The following CATSPERE variants were observed in gnomAD, a reference collection of about 807,000 sequenced individuals.
The protein encoded by CATSPERE is catsper channel auxiliary subunit epsilon, also known as cation channel sperm-associated auxiliary subunit epsilon.
CATSPERE carries 93 observed loss-of-function variants against 114.1 expected under a neutral mutation model. The observed-to-expected ratio is 0.81, with a 90% CI of 0.69 to 0.97. The LOEUF is 0.97. Ranked by LOEUF, CATSPERE falls within the 50% of genes least tolerant of loss-of-function variation. CATSPERE has a pLI of 0.00. For synonymous variants in CATSPERE, 341 were observed against 384.1 expected, an observed-to-expected ratio of 0.89 and a Z score of 1.31; for missense variants, 1,058 against 1,131.6, an observed-to-expected ratio of 0.93 and a Z score of 0.93.
intron 12 of CATSPERE, among the ~76,000 whole-genome samples, chr1:244,582,998 C>G (rs1488121245): frequency 4.5e-5 from 3 of 67,068 alleles, no homozygotes; most frequent in East Asian, 4.0e-4. Flanking sequence ...AGAGACTGAT[C>G]AGGAAGAGTA....
intron 8 of CATSPERE, among the ~76,000 whole-genome samples, chr1:244,537,786 T>C (rs1232618004): frequency 6.6e-6 from 1 of 152,218 alleles, no homozygotes; most frequent in East Asian, 1.9e-4. Context: ...TGGTGCATCT[T>C]GGTGAATTCT....
At chr1:244,532,975 A>T (rs1466141897) in intron 8 of CATSPERE, among the ~76,000 whole-genome samples, 1 of 147,950 alleles carries the variant, frequency 6.8e-6, no homozygotes, top group Non-Finnish European at 1.5e-5. Flanking sequence ...CTATTATTGT[A>T]TTGGGGTCTC....
intron 20 of CATSPERE, among the ~76,000 whole-genome samples, chr1:244,630,035 A>C (rs1673726539): frequency 6.6e-6 from 1 of 152,170 alleles, no homozygotes; most frequent in Non-Finnish European, 1.5e-5. Context: ...ATGATGTTCT[A>C]TGAGATGATG....
chr1:244,571,093 G>A (rs1398812010), intron 10 of CATSPERE, among the ~76,000 whole-genome samples: 64 of 152,120 alleles, frequency 4.2e-4, no homozygotes, highest in Non-Finnish European at 1.2e-4. Context: ...TATACTGCAT[G>A]CATCCTGCAA....
intron 19 of CATSPERE, among the ~76,000 whole-genome samples, chr1:244,615,801 C>T (rs916909663): frequency 6.6e-6 from 1 of 151,872 alleles, no homozygotes; most frequent in Non-Finnish European, 1.5e-5. Context: ...CTGTACCTCG[C>T]ATCTGAATAA....
chr1:244,461,269 G>A, upstream of CATSPERE: 1 of 531,134 alleles, frequency 1.9e-6, no homozygotes, highest in East Asian at 3.5e-5. Context: ...GCACGCGCAC[G>A]CGCACACTTC....
intron 8 of CATSPERE, 92 bp from the exon 9 acceptor site, chr1:244,552,230 T>C: frequency 6.9e-7 from 1 of 1,457,080 alleles, no homozygotes; most frequent in South Asian, 1.5e-5. Context: ...TTGATAAAAA[T>C]TAAAAATGTT....
chr1:244,471,309 T>C (rs1668443656), intron 2 of CATSPERE, among the ~76,000 whole-genome samples: 1 of 152,256 alleles, frequency 6.6e-6, no homozygotes, highest in African/African-American at 2.4e-5. Context: ...TGTTTGTTTA[T>C]GTAAATCAAG....
intron 19 of CATSPERE, among the ~76,000 whole-genome samples, chr1:244,616,602 C>A (rs74550629): frequency 3.3e-5 from 5 of 152,058 alleles, no homozygotes; most frequent in African/African-American, 7.2e-5. Context: ...AGAGGGCAGG[C>A]GAGGGAGGCT....
rs117468858 is a variant in CATSPERE, at chr1:244,477,873, A to G, written c.189-33A>G. 1.1e-3 allele frequency: 1,611 copies of G among 1,519,394 alleles called. 34 individuals carry two copies. In the East Asian group the frequency reaches 0.03, roughly 28 times the overall value. 94.1% of individuals were successfully genotyped at this position (1,519,394 alleles called of 1,614,324 possible). A position where few individuals can be genotyped will look rare whatever the true frequency, so the allele number is the denominator to read the frequency against. ...AATTTTATTAATATCATATGCACCT[A>G]TAATTATTCTTTCTCATCTTTTTAA... is the stretch of plus-strand genomic sequence containing the variant. On this transcript the variant is annotated intron_variant, in intron 3 of 21. Coordinates refer to ENST00000366534, the MANE Select transcript of CATSPERE (RefSeq NM_001130957.2).
intron 1 of CATSPERE, among the ~76,000 whole-genome samples, chr1:244,463,173 ATTTG>A (rs760831941): frequency 3.0e-4 from 46 of 152,310 alleles, no homozygotes; most frequent in Middle Eastern, 3.4e-3. Context: ...TTTAAGTTTA[ATTTG>A]TTTAGTTTTA....
chr1:244,495,171 T>A (rs1672897367), intron 6 of CATSPERE, among the ~76,000 whole-genome samples: 1 of 152,128 alleles, frequency 6.6e-6, no homozygotes, highest in Non-Finnish European at 1.5e-5. Context: ...GGAAAAGGAA[T>A]TTCCTGATGG....
intron 15 of CATSPERE, among the ~76,000 whole-genome samples, chr1:244,592,494 GA>G (rs1238012552): frequency 6.6e-6 from 1 of 151,918 alleles, no homozygotes; most frequent in South Asian, 2.1e-4. Flanking sequence ...AAGCATCTTT[GA>G]AAAGCTATGA....
At position 244,617,666 on chromosome 1, in the gene CATSPERE, G is replaced by T; in HGVS notation, c.2628G>T (p.Lys876Asn). The change falls in exon 20 of 22, where the codon AAG becomes AAT. Residue 876 changes from lysine (K) to asparagine (N), a missense_variant. Lys to Asn is a moderately conservative substitution (Grantham distance 94, BLOSUM62 0). This residue lies in a region of CATSPERE where 787 missense variants were observed against 905.6 expected (regional missense o/e 0.87). Transcript: ENST00000366534. ...GHSGMYVFRVKILDPNYSFCN... is the reference protein window; with the variant it reads ...GHSGMYVFRVNILDPNYSFCN... ...CTGGAATGTATGTATTTCGTGTGAAGATCCTGGATCCAAACTATAGGTGAA... is the reference window on the plus strand; with the variant it reads ...CTGGAATGTATGTATTTCGTGTGAATATCCTGGATCCAAACTATAGGTGAA... The T allele has an allele frequency of 6.5e-7, 1 of 1,539,166 alleles. No homozygotes were observed. The highest frequency in any genetic ancestry group is 8.7e-7 in the Non-Finnish European group (1 of 1,144,074).
rs2148360942 is a variant in CATSPERE at position 244,518,698 on chromosome 1, G to T, written c.536G>T (p.Gly179Val). 6.9e-7 allele frequency: 1 copy of T among 1,446,016 alleles called. No individual in the cohort carries two copies. Among genetic ancestry groups the T allele is most frequent in the Non-Finnish European group, 9.4e-7 (1 of 1,063,976 alleles). The allele number at this position is 1,446,016 out of a possible 1,614,324, so 89.6% of individuals were successfully genotyped here. ...VYSSNEKMRR[G>V]TWRIVVPMTK... is the part of the protein sequence containing the mutation. ...TCTTCAAATGAGAAAATGAGAAGGG[G>T]GTATTTAATTTTTTTTAATTTTAAA... Residue 179 changes from glycine (G) to valine (V), a missense_variant and splice_region_variant, in exon 8 of 22, where the codon GGG becomes GTG. Physicochemically the swap from Gly to Val is moderately radical, Grantham distance 109. Transcript: ENST00000366534.
intron 1 of CATSPERE, among the ~76,000 whole-genome samples, chr1:244,463,699 T>A (rs1033604652): frequency 3.3e-5 from 5 of 151,922 alleles, no homozygotes; most frequent in African/African-American, 4.8e-5. Context: ...TTTATTGTCT[T>A]TAGATACTGA....
intron 14 of CATSPERE, 97 bp from the exon 15 acceptor site, chr1:244,591,584 A>G (rs1477433981): frequency 4.5e-6 from 3 of 672,576 alleles, no homozygotes; most frequent in Non-Finnish European, 7.7e-6. Context: ...ATTCTCTGAC[A>G]CTCTCCTGTT....
At chr1:244,611,217 G>A (rs1315162677) in intron 19 of CATSPERE, among the ~76,000 whole-genome samples, 2 of 152,110 alleles carry the variant, frequency 1.3e-5, no homozygotes, top group Non-Finnish European at 2.9e-5. Context: ...CATTATAGGT[G>A]CTCATTAAAT....
intron 15 of CATSPERE, 54 bp downstream of exon 15, chr1:244,591,785 C>A: frequency 9.4e-7 from 1 of 1,058,870 alleles, no homozygotes; most frequent in Non-Finnish European, 1.4e-6. Context: ...AGTACCAATA[C>A]TTTACAATCA....
Sources: gnomAD v4.1 joint callset for allele counts (sites outside exome capture counted in the v4.1 genomes callset) on GRCh38, gnomAD v4.1.1 for gene constraint, gnomAD v4.1.1 regional missense constraint, MANE v1.5 for transcripts, NCBI Gene and HGNC (gene_info 2026-07-23, HGNC 2026-07-21) for gene names.